Variants in TSHZ2 observed in about 807,000 individuals in gnomAD.
The protein encoded by TSHZ2 is teashirt zinc finger homeobox 2.
A neutral mutation model predicts 74.4 loss-of-function variants in TSHZ2; 21 were observed. That is an observed-to-expected ratio of 0.28 (90% CI 0.20 to 0.41). The LOEUF (loss-of-function observed/expected upper bound fraction) is 0.41, where lower values mean the gene tolerates loss of function less well. Among genes scored for constraint, TSHZ2 ranks in the 10% least tolerant of loss-of-function variants. The pLI, the probability that TSHZ2 is intolerant of heterozygous loss-of-function variation, is 1.00. For missense variants in TSHZ2, 1,244 were observed against 1,293.5 expected (o/e 0.96, Z 0.59); for synonymous variants, 540 against 515.3 (o/e 1.05, Z -0.65).
At chr20:53,374,926 A>C (rs970129921) in intron 2 of TSHZ2, among the ~76,000 whole-genome samples, 49 of 137,392 alleles carry the variant, frequency 3.6e-4, no homozygotes, top group Non-Finnish European at 6.8e-4. Flanking sequence ...TTGATATGAA[A>C]AAAAAAAAAA....
Position 53,253,739 on chromosome 20 carries a change from A to T in TSHZ2, c.281A>T (p.Asp94Val). Residue 94 changes from aspartate (D) to valine (V), a missense_variant, in exon 2 of 3, where the codon GAC becomes GTC. By Grantham distance (152) the Asp-to-Val change is radical. Transcript: ENST00000371497. ...LLSDASDQVS[D>V]IKSVCGRDAS... ...AGTGACGCCAGTGATCAGGTGTCGG[A>T]CATCAAGAGTGTCTGCGGCAGAGAT... 2 of 1,614,234 alleles carry T rather than the reference A, an allele frequency of 1.2e-6. No individual in the cohort carries two copies. Among genetic ancestry groups the T allele is most frequent in the Non-Finnish European group, 1.7e-6 (2 of 1,180,042 alleles).
intron 1 of TSHZ2, among the ~76,000 whole-genome samples, chr20:53,251,686 A>G (rs950865871): frequency 2.6e-5 from 4 of 152,156 alleles, no homozygotes; most frequent in Non-Finnish European, 5.9e-5. Context: ...ACAACCATAA[A>G]ACTCATGGCT....
chr20:52,986,286 C>G (rs575814098), intron 1 of TSHZ2, among the ~76,000 whole-genome samples: 1 of 151,378 alleles, frequency 6.6e-6, no homozygotes, highest in South Asian at 2.1e-4. Flanking sequence ...CCTGTAAACC[C>G]AGCTACTCAG....
At chr20:53,436,479 A>G (rs1004967345) in intron 2 of TSHZ2, among the ~76,000 whole-genome samples, 1 of 151,526 alleles carries the variant, frequency 6.6e-6, no homozygotes, top group African/African-American at 2.4e-5. Context: ...CGACGTACCT[A>G]GACAGAAGAT....
intron 1 of TSHZ2, among the ~76,000 whole-genome samples, chr20:53,006,938 A>G (rs1203598539): frequency 1.3e-5 from 2 of 152,060 alleles, no homozygotes; most frequent in Admixed American, 6.5e-5. Context: ...GGGAAAACTG[A>G]ATATCAGTAT....
At chr20:53,046,500 T>C (rs1325925811) in intron 1 of TSHZ2, among the ~76,000 whole-genome samples, 1 of 152,134 alleles carries the variant, frequency 6.6e-6, no homozygotes, top group Non-Finnish European at 1.5e-5. Flanking sequence ...TAAGCTAAAA[T>C]ATTCACCAAT....
chr20:52,997,077 C>T (rs1982226015), intron 1 of TSHZ2, among the ~76,000 whole-genome samples: 1 of 152,138 alleles, frequency 6.6e-6, no homozygotes, highest in South Asian at 2.1e-4. Flanking sequence ...GTTACAAAGG[C>T]AATGTTTCTT....
At chr20:53,426,778 G>A (rs1475315433) in intron 2 of TSHZ2, among the ~76,000 whole-genome samples, 1 of 152,188 alleles carries the variant, frequency 6.6e-6, no homozygotes, top group Non-Finnish European at 1.5e-5. Flanking sequence ...TAAAAGGAAG[G>A]TGGAGGGGAA....
chr20:53,196,803 T>C (rs1002833072), intron 1 of TSHZ2, among the ~76,000 whole-genome samples: 6 of 152,218 alleles, frequency 3.9e-5, no homozygotes, highest in African/African-American at 1.2e-4. Context: ...TCTTCACAGA[T>C]CTGTATTTGG....
intron 1 of TSHZ2, among the ~76,000 whole-genome samples, chr20:53,200,822 A>T (rs1175741298): frequency 6.6e-6 from 1 of 152,214 alleles, no homozygotes; most frequent in Admixed American, 6.5e-5. Context: ...TTGGAAGTAC[A>T]TACTAAAATA....
chr20:53,045,071 C>T (rs1984179004), intron 1 of TSHZ2, among the ~76,000 whole-genome samples: 1 of 152,106 alleles, frequency 6.6e-6, no homozygotes, highest in South Asian at 2.1e-4. Flanking sequence ...GAAAAATCCC[C>T]AAATCTCAAT....
Position 53,371,677 on chromosome 20 carries a change from A to C in TSHZ2, c.*8+115106A>C, listed in dbSNP as rs889983155. 2.6e-5 allele frequency among the ~76,000 whole-genome samples: 4 copies of C among 152,160 alleles called. 1 individual carries two copies. The South Asian group carries it at 6.2e-4, about 24-fold the overall frequency. On this transcript the variant is annotated intron_variant, in intron 2 of 2. Coordinates refer to ENST00000371497, the MANE Select transcript of TSHZ2 (RefSeq NM_173485.6). The stretch of plus-strand genomic sequence containing the variant: ...GATCACTTGAGACCAGGAGTTTCAG[A>C]CCAGCCTGGCCAACATGATGAAACC...
chr20:53,050,487 G>A (rs756372811), intron 1 of TSHZ2, among the ~76,000 whole-genome samples: 4 of 152,060 alleles, frequency 2.6e-5, no homozygotes, highest in African/African-American at 9.7e-5. Flanking sequence ...ACTCAATAAC[G>A]ACTCAGCTCC....
At chr20:53,408,860 C>T (rs760488921) in intron 2 of TSHZ2, among the ~76,000 whole-genome samples, 3 of 152,172 alleles carry the variant, frequency 2.0e-5, no homozygotes, top group African/African-American at 4.8e-5. Context: ...GGTGATCTCA[C>T]GATGGTGCAA....
intron 2 of TSHZ2, among the ~76,000 whole-genome samples, chr20:53,436,360 G>A (rs572733298): frequency 2.6e-5 from 4 of 151,818 alleles, no homozygotes; most frequent in Admixed American, 1.3e-4. Flanking sequence ...GCCCAAAGTC[G>A]CCATAAAGTT....
intron 1 of TSHZ2, among the ~76,000 whole-genome samples, chr20:52,984,311 G>T (rs1214862039): frequency 6.6e-6 from 1 of 152,226 alleles, no homozygotes; most frequent in African/African-American, 2.4e-5. Context: ...CTAGCCAGCA[G>T]ACAGTCCCAT....
chr20:53,335,433 G>A (rs1313860748), intron 2 of TSHZ2, among the ~76,000 whole-genome samples: 4 of 152,180 alleles, frequency 2.6e-5, no homozygotes, highest in African/African-American at 9.7e-5. Context: ...TTTGCCACTG[G>A]CCCCACTCAG....
chr20:53,309,103 A>C (rs531195885), intron 2 of TSHZ2, among the ~76,000 whole-genome samples: 1 of 152,356 alleles, frequency 6.6e-6, no homozygotes, highest in East Asian at 1.9e-4. Flanking sequence ...AAAATGGCAA[A>C]TAGAGCAAGA....
At chr20:53,057,414 A>G (rs6097214) in intron 1 of TSHZ2, among the ~76,000 whole-genome samples, 89,462 of 151,534 alleles carry the variant, frequency 0.59, 28,341 homozygotes, top group African/African-American at 0.83. Context: ...AATTTCCCAG[A>G]CGCCCTACAA....
Sources: gnomAD v4.1 joint callset for allele counts (sites outside exome capture counted in the v4.1 genomes callset) on GRCh38, gnomAD v4.1.1 for gene constraint, MANE v1.5 for transcripts, NCBI Gene and HGNC (gene_info 2026-07-23, HGNC 2026-07-21) for gene names.